Variants in ADAMTS3 observed in about 807,000 individuals in gnomAD.
ADAMTS3 encodes A disintegrin and metalloproteinase with thrombospondin motifs 3.
A neutral mutation model predicts 129.0 loss-of-function variants in ADAMTS3; 73 were observed. The ratio of observed to expected loss-of-function variants is 0.57; its 90% CI spans 0.47 to 0.69. ADAMTS3 has a LOEUF of 0.69. ADAMTS3 is among the 30% of genes least tolerant of loss of function. ADAMTS3 has a pLI of 0.00. For missense variants in ADAMTS3, 1,457 were observed against 1,514.5 expected, an observed-to-expected ratio of 0.96 and a Z score of 0.63; for synonymous variants, 477 against 510.8, an observed-to-expected ratio of 0.93 and a Z score of 0.89.
At chr4:72,424,891 T>C (rs1210367763) in intron 3 of ADAMTS3, among the ~76,000 whole-genome samples, 1 of 152,140 alleles carries the variant, frequency 6.6e-6, no homozygotes, top group Non-Finnish European at 1.5e-5. Flanking sequence ...TTGGAGGTTA[T>C]TTTTTCTTCT....
At chr4:72,307,728 G>T (rs1283557121) in intron 15 of ADAMTS3, among the ~76,000 whole-genome samples, 1 of 151,996 alleles carries the variant, frequency 6.6e-6, no homozygotes, top group Non-Finnish European at 1.5e-5. Flanking sequence ...ATTTGAAGTT[G>T]AATACTTGCA....
Position 72,513,121 on chromosome 4 carries a change from G to A in ADAMTS3, c.504+35357C>T, listed in dbSNP as rs146805724. 3.1e-3 allele frequency among the ~76,000 whole-genome samples: 476 copies of A among 152,076 alleles called. 3 individuals are homozygous for A. Among genetic ancestry groups the A allele is most frequent in the African/African-American group, 0.011 (446 of 41,472 alleles). ...TGTACTGTCTCTGGAGAGTACCCAC[G>A]ACTCCCATCTCCTGTCTTCTAAACA... is the stretch of plus-strand genomic sequence containing the variant. On this transcript the variant is annotated intron_variant, in intron 3 of 21. Transcript: ENST00000286657.
intron 1 of ADAMTS3, 126 bp from the exon 2 acceptor site, chr4:72,567,527 T>A (rs1722047232): frequency 1.1e-6 from 1 of 920,362 alleles, no homozygotes; most frequent in Non-Finnish European, 1.7e-6. Context: ...GAGACTGGGA[T>A]TGGTGCCTAA....
intron 17 of ADAMTS3, among the ~76,000 whole-genome samples, chr4:72,301,557 T>C (rs946339803): frequency 1.3e-5 from 2 of 152,094 alleles, no homozygotes; most frequent in African/African-American, 4.8e-5. Flanking sequence ...TAATATTTTA[T>C]AGGAAATCCA....
At chr4:72,504,634 T>C (rs1273751241) in intron 3 of ADAMTS3, among the ~76,000 whole-genome samples, 1 of 152,170 alleles carries the variant, frequency 6.6e-6, no homozygotes, top group Non-Finnish European at 1.5e-5. Context: ...TAGAAAAATT[T>C]TCTTAAATTT....
chr4:72,485,254 C>T (rs866168509), intron 3 of ADAMTS3, among the ~76,000 whole-genome samples: 1 of 151,966 alleles, frequency 6.6e-6, no homozygotes, highest in Admixed American at 6.6e-5. Flanking sequence ...ATTTTGTTTC[C>T]AACTCAAGAG....
intron 3 of ADAMTS3, among the ~76,000 whole-genome samples, chr4:72,466,678 T>G (rs867883290): frequency 3.8e-4 from 58 of 152,038 alleles, no homozygotes; most frequent in South Asian, 2.1e-4. Flanking sequence ...CCTGGTAGGC[T>G]CCATGTAATC....
chr4:72,513,461 C>T (rs1465803528), intron 3 of ADAMTS3, among the ~76,000 whole-genome samples: 1 of 152,186 alleles, frequency 6.6e-6, no homozygotes, highest in Non-Finnish European at 1.5e-5. Context: ...CCACCACTGT[C>T]TTTCCACTTC....
At chr4:72,478,990 C>A (rs1316184601) in intron 3 of ADAMTS3, among the ~76,000 whole-genome samples, 1 of 152,034 alleles carries the variant, frequency 6.6e-6, no homozygotes, top group African/African-American at 2.4e-5. Flanking sequence ...TTACAAGGGA[C>A]GTGAAGGACC....
intron 3 of ADAMTS3, among the ~76,000 whole-genome samples, chr4:72,465,291 A>G (rs1468319096): frequency 6.6e-6 from 1 of 151,988 alleles, no homozygotes; most frequent in Non-Finnish European, 1.5e-5. Flanking sequence ...AAGTAGCAAG[A>G]GGAAGAAATG....
chr4:72,381,019 G>T (rs1375420769), intron 4 of ADAMTS3, among the ~76,000 whole-genome samples: 4 of 152,054 alleles, frequency 2.6e-5, no homozygotes, highest in African/African-American at 9.7e-5. Context: ...ATTTTAAAAA[G>T]CTCCCAGTTT....
At chr4:72,392,055 A>G (rs542618116) in intron 4 of ADAMTS3, among the ~76,000 whole-genome samples, 1 of 152,326 alleles carries the variant, frequency 6.6e-6, no homozygotes, top group African/African-American at 2.4e-5. Context: ...GAGTATAAAG[A>G]TGTTTCGAGG....
intron 4 of ADAMTS3, among the ~76,000 whole-genome samples, chr4:72,392,019 G>A (rs999335176): frequency 2.6e-5 from 4 of 152,156 alleles, no homozygotes; most frequent in Non-Finnish European, 5.9e-5. Flanking sequence ...GTATGTTCCA[G>A]GTGCGTGGCC....
chr4:72,437,236 T>C (rs1717961363), intron 3 of ADAMTS3, among the ~76,000 whole-genome samples: 1 of 151,832 alleles, frequency 6.6e-6, no homozygotes, highest in Non-Finnish European at 1.5e-5. Context: ...AAATGAACAT[T>C]TTTAAAAAAT....
intron 3 of ADAMTS3, among the ~76,000 whole-genome samples, chr4:72,437,978 C>A (rs895982321): frequency 1.5e-4 from 23 of 151,640 alleles, no homozygotes; most frequent in African/African-American, 5.1e-4. Context: ...CTGTTTCTGT[C>A]GTTTTGAGTT....
intron 3 of ADAMTS3, among the ~76,000 whole-genome samples, chr4:72,519,917 C>T: frequency 6.6e-6 from 1 of 152,174 alleles, no homozygotes; most frequent in East Asian, 1.9e-4. Context: ...AGGCACTCTG[C>T]TTTTTAGAGT....
intron 5 of ADAMTS3, among the ~76,000 whole-genome samples, chr4:72,336,044 ACCTAAAGGTATTC>A (rs1243151361): frequency 1.3e-5 from 2 of 152,186 alleles, no homozygotes; most frequent in Admixed American, 1.3e-4. Flanking sequence ...AATTACTTGG[ACCTAAAGGTATTC>A]CCTTAATTCA....
intron 4 of ADAMTS3, among the ~76,000 whole-genome samples, chr4:72,398,333 G>A (rs943633820): frequency 3.3e-5 from 5 of 152,130 alleles, no homozygotes; most frequent in Non-Finnish European, 5.9e-5. Context: ...AAGGCAGGTG[G>A]ATCACCTGAG....
Position 72,312,312 on chromosome 4 carries a change from A to T in ADAMTS3, c.1900T>A (p.Leu634Met), listed in dbSNP as rs769735839. Reference sequence around the variant, plus strand: ...TCACGGTCAGGATGTTCATATGGCAACCAGTGGTGTTTGGTATTCTGGTAT... The same window carrying T: ...TCACGGTCAGGATGTTCATATGGCATCCAGTGGTGTTTGGTATTCTGGTAT... ...FEYQNTKHHW[L>M]PYEHPDPKKR... Residue 634 changes from leucine to methionine, a missense_variant, in exon 13 of 22, where the codon TTG (leucine) becomes ATG (methionine). Coordinates refer to ENST00000286657, the MANE Select transcript of ADAMTS3 (RefSeq NM_014243.3). 73 of 1,613,532 alleles carry T rather than the reference A, an allele frequency of 4.5e-5. No homozygotes were observed. The highest frequency in any genetic ancestry group is 1.2e-5 in the Non-Finnish European group (14 of 1,179,678).
Sources: allele counts gnomAD v4.1 joint callset (sites outside exome capture counted in the v4.1 genomes callset), GRCh38; gene constraint gnomAD v4.1.1; transcripts MANE v1.5; gene names NCBI Gene and HGNC (gene_info 2026-07-23, HGNC 2026-07-21).